BMPR1B: variants seen among roughly 807,000 people sequenced by gnomAD.
BMPR1B encodes bone morphogenetic protein receptor type-1B.
BMPR1B carries 12 observed loss-of-function variants against 59.1 expected under a neutral mutation model. That is an observed-to-expected ratio of 0.20 (90% CI 0.13 to 0.33). The LOEUF (loss-of-function observed/expected upper bound fraction) is 0.33, where lower values mean the gene tolerates loss of function less well. Among genes scored for constraint, BMPR1B ranks in the 10% least tolerant of loss-of-function variants. BMPR1B has a pLI of 1.00. For missense variants in BMPR1B, 550 were observed against 610.9 expected, an observed-to-expected ratio of 0.90 and a Z score of 1.05; for synonymous variants, 237 against 207.3, an observed-to-expected ratio of 1.14 and a Z score of -1.23.
At chr4:94,909,986 CTG>C (rs1035821211) in intron 2 of BMPR1B, among the ~76,000 whole-genome samples, 1 of 151,946 alleles carries the variant, frequency 6.6e-6, no homozygotes, top group African/African-American at 2.4e-5. Context: ...TCATAGGAAA[CTG>C]TATTAGAAGC....
chr4:95,015,115 A>G (rs1241177733), intron 3 of BMPR1B, among the ~76,000 whole-genome samples: 2 of 152,202 alleles, frequency 1.3e-5, no homozygotes, highest in African/African-American at 4.8e-5. Flanking sequence ...TCTGTGGTTT[A>G]GAAGCAGAGG....
At chr4:94,889,022 T>C (rs891784697) in intron 2 of BMPR1B, among the ~76,000 whole-genome samples, 1 of 151,942 alleles carries the variant, frequency 6.6e-6, no homozygotes, top group Non-Finnish European at 1.5e-5. Flanking sequence ...AAGAGTCTTA[T>C]TTTTTCTTAT....
chr4:95,121,709 A>AT (rs895524353), intron 6 of BMPR1B, among the ~76,000 whole-genome samples: 2 of 147,654 alleles, frequency 1.4e-5, no homozygotes, highest in African/African-American at 5.4e-5. Context: ...CTTTTTTCTT[A>AT]TTTTTTTTCT....
intron 2 of BMPR1B, among the ~76,000 whole-genome samples, chr4:94,953,920 C>T (rs1427621884): frequency 6.6e-6 from 1 of 152,190 alleles, no homozygotes; most frequent in Admixed American, 6.5e-5. Context: ...GGTCTTTTCA[C>T]ATAGTCTCAT....
intron 1 of BMPR1B, among the ~76,000 whole-genome samples, chr4:94,798,583 G>A (rs1723281859): frequency 6.6e-6 from 1 of 152,172 alleles, no homozygotes; most frequent in African/African-American, 2.4e-5. Flanking sequence ...CAGAAGCCAG[G>A]CAGCATCGTC....
In BMPR1B at chr4:94,827,991, C is replaced by G. The variant is rs541930071; in HGVS notation, c.-182-47840C>G. Among the ~76,000 whole-genome samples the G allele has an allele frequency of 3.5e-3, 527 of 152,278 alleles. 5 individuals are homozygous for G. The highest frequency in any genetic ancestry group is 0.012 in the African/African-American group (495 of 41,550). ...ACAGAGAGAAAAATGCCTGCCATAT[C>G]AGTTTCACACAAGGTGTTTGTAAAC... On this transcript the variant is annotated intron_variant, in intron 1 of 12. Transcript: ENST00000515059.
chr4:95,139,525 G>GAGGC (rs1734058044), intron 10 of BMPR1B, among the ~76,000 whole-genome samples: 1 of 152,244 alleles, frequency 6.6e-6, no homozygotes, highest in South Asian at 2.1e-4. Flanking sequence ...GGAGTCTACA[G>GAGGC]AGGCAGGCAG....
chr4:94,910,165 G>T (rs996065843), intron 2 of BMPR1B, among the ~76,000 whole-genome samples: 1 of 152,116 alleles, frequency 6.6e-6, no homozygotes, highest in Non-Finnish European at 1.5e-5. Context: ...AAGATTCTGA[G>T]ATTACTTTTA....
At chr4:94,929,277 G>C (rs2149032259) in intron 2 of BMPR1B, among the ~76,000 whole-genome samples, 1 of 152,216 alleles carries the variant, frequency 6.6e-6, no homozygotes, top group South Asian at 2.1e-4. Context: ...GTGACTTGCA[G>C]TGGAGAAACT....
chr4:94,883,062 G>T (rs888929405), intron 2 of BMPR1B, among the ~76,000 whole-genome samples: 8 of 151,772 alleles, frequency 5.3e-5, no homozygotes, highest in Non-Finnish European at 5.9e-5. Context: ...TCAGTGCAGG[G>T]TTCTTTCTAC....
chr4:94,901,327 G>A (rs1407465861), intron 2 of BMPR1B, among the ~76,000 whole-genome samples: 2 of 151,944 alleles, frequency 1.3e-5, no homozygotes, highest in African/African-American at 4.8e-5. Context: ...TTTAAATGGT[G>A]CAACATGATG....
intron 2 of BMPR1B, among the ~76,000 whole-genome samples, chr4:94,963,844 G>T (rs1730459531): frequency 6.6e-6 from 1 of 151,912 alleles, no homozygotes; most frequent in Non-Finnish European, 1.5e-5. Flanking sequence ...TAAATTTTAG[G>T]ATTGTTTTCT....
At chr4:94,866,869 A>T (rs1726268508) in intron 1 of BMPR1B, among the ~76,000 whole-genome samples, 1 of 152,180 alleles carries the variant, frequency 6.6e-6, no homozygotes, top group Non-Finnish European at 1.5e-5. Flanking sequence ...GGCGTGAGCC[A>T]CTGTGTCCAG....
chr4:95,058,758 C>T (rs986574760), intron 3 of BMPR1B, among the ~76,000 whole-genome samples: 1 of 152,170 alleles, frequency 6.6e-6, no homozygotes, highest in Non-Finnish European at 1.5e-5. Context: ...TTTATTTTCT[C>T]TCTAAAAGAA....
chr4:94,860,147 A>G (rs1440414818), intron 1 of BMPR1B, among the ~76,000 whole-genome samples: 1 of 152,168 alleles, frequency 6.6e-6, no homozygotes. Context: ...GATGTGAGGG[A>G]TTGTAAGTTG....
At chr4:94,994,698 T>G (rs1721951332) in intron 2 of BMPR1B, among the ~76,000 whole-genome samples, 2 of 151,464 alleles carry the variant, frequency 1.3e-5, no homozygotes, top group Admixed American at 1.3e-4. Flanking sequence ...TGTGTAACTT[T>G]TTTTTTTTTT....
chr4:94,921,156 C>T (rs547957164), intron 2 of BMPR1B, among the ~76,000 whole-genome samples: 44 of 152,116 alleles, frequency 2.9e-4, no homozygotes, highest in Non-Finnish European at 5.0e-4. Context: ...ATCTGCTTGG[C>T]GTTTTGAACC....
At chr4:95,143,949 A>G (rs1734438558) in intron 10 of BMPR1B, among the ~76,000 whole-genome samples, 3 of 151,760 alleles carry the variant, frequency 2.0e-5, no homozygotes, top group Middle Eastern at 3.5e-3. Context: ...TTTACTGGAG[A>G]TTGTGATGGA....
In BMPR1B at chr4:94,847,157, C is replaced by T. The variant is rs879738687; in HGVS notation, c.-182-28674C>T. 5.3e-5 allele frequency among the ~76,000 whole-genome samples: 8 copies of T among 152,208 alleles called. No homozygotes were observed. The East Asian group carries it at 1.5e-3, about 29-fold the overall frequency. On this transcript the variant is annotated intron_variant, in intron 1 of 12. Transcript: ENST00000515059. ...GAAGAAACATTTCTCAAAAGACATA[C>T]AAATGGCAAACAGGTATATAAAAAG...
Sources: gnomAD v4.1 joint callset for allele counts (sites outside exome capture counted in the v4.1 genomes callset) on GRCh38, gnomAD v4.1.1 for gene constraint, MANE v1.5 for transcripts, NCBI Gene and HGNC (gene_info 2026-07-23, HGNC 2026-07-21) for gene names.